NPAS2: variants seen among roughly 807,000 people sequenced by gnomAD.
NPAS2 encodes the protein neuronal PAS domain protein 2.
A neutral mutation model predicts 107.5 loss-of-function variants in NPAS2; 23 were observed. That is an observed-to-expected ratio of 0.21 (90% CI 0.15 to 0.30). The LOEUF (loss-of-function observed/expected upper bound fraction) is 0.30, where lower values mean the gene tolerates loss of function less well. Among genes scored for constraint, NPAS2 ranks in the 10% least tolerant of loss-of-function variants. NPAS2 has a pLI of 1.00. For missense variants in NPAS2, 756 were observed against 1,043.3 expected (o/e 0.72, Z 3.79); for synonymous variants, 403 against 417.5 (o/e 0.97, Z 0.42).
In NPAS2 at chr2:100,996,790, G is replaced by C. The variant is rs1014693883; in HGVS notation, c.*1208G>C. ...TAAAAGTTTTCTTGTGTTTTTCTGT[G>C]AGTGAAAATTTTGTAATAAATTAAC... On this transcript the variant is annotated 3_prime_UTR_variant, in exon 21 of 21. Coordinates refer to ENST00000335681, the MANE Select transcript of NPAS2 (RefSeq NM_002518.4). The C allele has an allele frequency of 6.6e-6, 1 of 152,170 alleles. No homozygotes were observed. The highest frequency in any genetic ancestry group is 1.5e-5 in the Non-Finnish European group (1 of 68,026). 9.4% of individuals were successfully genotyped at this position (152,170 alleles called of 1,614,324 possible).
chr2:100,820,328 C>T lies in NPAS2; in HGVS notation c.-109C>T, dbSNP rs1210464112. On this transcript the variant is annotated 5_prime_UTR_variant, in exon 1 of 21. Transcript: ENST00000335681. This position sits in a 1 kb window ranked among gnomAD's most constrained non-coding sequence, Gnocchi z 5.6. The stretch of plus-strand genomic sequence containing the variant: ...GGAGGAGCTCGCCGCGCCCGCTCGC[C>T]GCCTCGTCTCCCAGCGGCGGCGGGA... 6.8e-6 allele frequency: 1 copy of T among 147,286 alleles called. No individual in the cohort carries two copies. The highest frequency in any genetic ancestry group is 1.5e-5 in the Non-Finnish European group (1 of 66,028). 9.1% of individuals were successfully genotyped at this position (147,286 alleles called of 1,614,324 possible).
intron 1 of NPAS2, among the ~76,000 whole-genome samples, chr2:100,890,109 G>A (rs937325041): frequency 3.9e-5 from 6 of 152,182 alleles, no homozygotes; most frequent in African/African-American, 1.4e-4. Flanking sequence ...ACTGTATGAG[G>A]TATGTAGCTT....
intron 1 of NPAS2, among the ~76,000 whole-genome samples, chr2:100,857,695 T>C (rs1416118769): frequency 6.6e-6 from 1 of 152,236 alleles, no homozygotes; most frequent in Admixed American, 6.5e-5. Flanking sequence ...CCTGTTAACC[T>C]GGGCTGCATG....
chr2:100,821,344 G>A (rs1025704809), intron 1 of NPAS2: 1 of 674,176 alleles, frequency 1.5e-6, no homozygotes, highest in Non-Finnish European at 2.1e-6. Context: ...GCTTTAGTAC[G>A]GAAAGTTAGA....
chr2:100,821,143 C>T, intron 1 of NPAS2: 1 of 1,304,728 alleles, frequency 7.7e-7, no homozygotes, highest in Non-Finnish European at 1.0e-6. Context: ...CAGGCACCAC[C>T]CGGCTAAATT....
intron 1 of NPAS2, among the ~76,000 whole-genome samples, chr2:100,900,790 C>T (rs1049665681): frequency 3.3e-5 from 5 of 152,170 alleles, no homozygotes; most frequent in Non-Finnish European, 7.3e-5. Flanking sequence ...TAGCATCCAT[C>T]GGTGGATCTT....
intron 2 of NPAS2, among the ~76,000 whole-genome samples, chr2:100,910,274 GTT>G (rs1682456932): frequency 6.6e-6 from 1 of 152,096 alleles, no homozygotes; most frequent in South Asian, 2.1e-4. Flanking sequence ...CTGTGTTACT[GTT>G]AACTAAGAGT....
At chr2:100,921,249 A>C (rs1368655924) in intron 2 of NPAS2, among the ~76,000 whole-genome samples, 3 of 152,230 alleles carry the variant, frequency 2.0e-5, no homozygotes, top group Non-Finnish European at 4.4e-5. Context: ...ACAGCCTCTC[A>C]GTGCCTCGCT....
intron 1 of NPAS2, among the ~76,000 whole-genome samples, chr2:100,833,697 T>C (rs1032991557): frequency 6.6e-6 from 1 of 152,212 alleles, no homozygotes; most frequent in South Asian, 2.1e-4. Flanking sequence ...CCAAATCAAA[T>C]AGCCTCTGTG....
chr2:100,964,734 A>G, intron 8 of NPAS2, 127 bp from the exon 9 acceptor site: 2 of 634,820 alleles, frequency 3.2e-6, no homozygotes, highest in Admixed American at 3.4e-5. Flanking sequence ...TTTCAGTCCA[A>G]CACGACTTGG....
intron 8 of NPAS2, 52 bp downstream of exon 8, chr2:100,964,228 A>G (rs1379908549): frequency 8.8e-7 from 1 of 1,135,012 alleles, no homozygotes; most frequent in Non-Finnish European, 1.3e-6. Context: ...ATTGACTCAC[A>G]TTTTGTTATA....
intron 1 of NPAS2, among the ~76,000 whole-genome samples, chr2:100,876,153 C>T (rs893516815): frequency 6.6e-6 from 1 of 152,174 alleles, no homozygotes; most frequent in Non-Finnish European, 1.5e-5. Flanking sequence ...TCCTTTGCGG[C>T]CTCTCTGGTT....
chr2:100,917,873 A>T (rs928098807), intron 2 of NPAS2, among the ~76,000 whole-genome samples: 3 of 152,216 alleles, frequency 2.0e-5, no homozygotes, highest in Admixed American at 6.5e-5. Context: ...AGACATTAAA[A>T]GAAGAAATAT....
intron 7 of NPAS2, among the ~76,000 whole-genome samples, chr2:100,960,578 C>T (rs1675858468): frequency 6.6e-6 from 1 of 152,076 alleles, no homozygotes; most frequent in Non-Finnish European, 1.5e-5. Context: ...GTTTCCCTGA[C>T]TGCAGCAGGC....
chr2:100,905,024 T>C (rs528603079), intron 2 of NPAS2, among the ~76,000 whole-genome samples: 1 of 152,240 alleles, frequency 6.6e-6, no homozygotes, highest in South Asian at 2.1e-4. Context: ...TGGTCTGGGT[T>C]TTTGTCATGC....
At position 100,919,898 on chromosome 2, in the gene NPAS2, A is replaced by G. The variant is rs551328500; in HGVS notation, c.33-5248A>G. Reference sequence around the variant, plus strand: ...CCTTGGCGATTCGTTGGAACTTCTCACCGGGCAGTATTGTATTGCACCCCC... The same window carrying G: ...CCTTGGCGATTCGTTGGAACTTCTCGCCGGGCAGTATTGTATTGCACCCCC... On this transcript the variant is annotated intron_variant, in intron 2 of 20. Coordinates refer to ENST00000335681, the MANE Select transcript of NPAS2 (RefSeq NM_002518.4). Among the ~76,000 whole-genome samples the G allele has an allele frequency of 2.0e-5, 3 of 152,002 alleles. No individual in the cohort carries two copies. In the South Asian group the frequency reaches 6.2e-4, roughly 32 times the overall value.
intron 17 of NPAS2, 129 bp downstream of exon 17, chr2:100,988,405 G>C (rs1677897930): frequency 4.0e-6 from 3 of 746,916 alleles, no homozygotes; most frequent in Non-Finnish European, 4.4e-6. Context: ...ATGGACTGAG[G>C]GTAGATTTGG....
intron 2 of NPAS2, among the ~76,000 whole-genome samples, chr2:100,923,599 G>A (rs990656584): frequency 1.3e-5 from 2 of 152,146 alleles, no homozygotes. Flanking sequence ...CATTGGCCAG[G>A]AGCCTCCTGG....
intron 4 of NPAS2, among the ~76,000 whole-genome samples, chr2:100,935,844 C>A (rs1684265667): frequency 1.3e-5 from 2 of 152,194 alleles, no homozygotes; most frequent in Non-Finnish European, 2.9e-5. Flanking sequence ...GGATGTACTT[C>A]TTCGTTTACT....
Sources: allele counts gnomAD v4.1 joint callset (sites outside exome capture counted in the v4.1 genomes callset), GRCh38; gene constraint gnomAD v4.1.1; non-coding constraint Gnocchi (gnomAD v3.1); transcripts MANE v1.5; gene names NCBI Gene and HGNC (gene_info 2026-07-23, HGNC 2026-07-21).